The following HDAC9 variants were observed in gnomAD, a reference collection of about 807,000 sequenced individuals.
HDAC9 encodes histone deacetylase 9.
HDAC9 carries 41 observed loss-of-function variants against 139.4 expected under a neutral mutation model. That is an observed-to-expected ratio of 0.29 (90% CI 0.23 to 0.38). The LOEUF (loss-of-function observed/expected upper bound fraction) is 0.38, where lower values mean the gene tolerates loss of function less well. Among genes scored for constraint, HDAC9 ranks in the 10% least tolerant of loss-of-function variants. The pLI is 1.00. For synonymous variants in HDAC9, 517 were observed against 476.2 expected (o/e 1.09, Z -1.12); for missense variants, 1,147 against 1,297.0 (o/e 0.88, Z 1.78).
Position 18,629,370 on chromosome 7 carries a change from G to T in HDAC9, c.685G>T (p.Val229Leu). The change falls in exon 7 of 26, where the codon GTG (valine) becomes TTG (leucine). Residue 229 changes from valine (V) to leucine (L), a missense_variant. Transcript: ENST00000686413. ...RKTASEPNLK[V>L]RSRLKQKVAE... ...CCCAGCCTCTGAGCCCAACTTGAAG[G>T]TGCGGTCCAGGTTAAAACAGAAAGT... The T allele has an allele frequency of 6.2e-7, 1 of 1,600,878 alleles. No homozygotes were observed. The highest frequency in any genetic ancestry group is 8.5e-7 in the Non-Finnish European group (1 of 1,174,484).
chr7:18,426,098 G>A (rs995201668), intron 1 of HDAC9, among the ~76,000 whole-genome samples: 3 of 152,144 alleles, frequency 2.0e-5, no homozygotes, highest in African/African-American at 7.2e-5. Flanking sequence ...TTGATTTTTG[G>A]TATAGTGTTT....
chr7:18,600,631 C>T (rs2128871927), intron 6 of HDAC9, among the ~76,000 whole-genome samples: 1 of 152,256 alleles, frequency 6.6e-6, no homozygotes, highest in Admixed American at 6.5e-5. Flanking sequence ...CTTCACTGAT[C>T]TACTTGTCTG....
At chr7:18,431,538 A>G (rs1008582217) in intron 1 of HDAC9, among the ~76,000 whole-genome samples, 3 of 152,184 alleles carry the variant, frequency 2.0e-5, no homozygotes, top group African/African-American at 7.2e-5. Context: ...TTCCCCAACA[A>G]CCCTGAGGAC....
chr7:18,829,663 G>T, intron 19 of HDAC9, 115 bp downstream of exon 19: 1 of 643,302 alleles, frequency 1.6e-6, no homozygotes, highest in Non-Finnish European at 2.7e-6. Flanking sequence ...TGAAGGGTGT[G>T]TTTTCCTTTG....
At chr7:18,580,266 G>A (rs1018750952) in intron 2 of HDAC9, among the ~76,000 whole-genome samples, 26 of 152,094 alleles carry the variant, frequency 1.7e-4, no homozygotes, top group African/African-American at 5.8e-4. Flanking sequence ...TCATTTACAA[G>A]TTCACTAAAA....
At chr7:18,267,443 G>C (rs1249286010) in intron 2 of HDAC9, among the ~76,000 whole-genome samples, 2 of 151,920 alleles carry the variant, frequency 1.3e-5, no homozygotes, top group Non-Finnish European at 2.9e-5. Context: ...GAGCTCCCCA[G>C]TCTCTTCCCC....
chr7:18,383,746 C>T (rs537093066), intron 1 of HDAC9, among the ~76,000 whole-genome samples: 7 of 151,294 alleles, frequency 4.6e-5, no homozygotes, highest in East Asian at 1.9e-4. Context: ...AAAAATTAGC[C>T]GGCGTGGTGG....
At position 18,829,566 on chromosome 7, in the gene HDAC9, G is replaced by C. The variant is rs753988907; in HGVS notation, c.2466+18G>C. ...TAGATCTGGTATGTATTCCTGGCCA[G>C]AGCTGCATTTTCAGTGATTCTAGAT... On this transcript the variant is annotated intron_variant, in intron 19 of 25. Coordinates refer to ENST00000686413, the MANE Select transcript of HDAC9 (RefSeq NM_178425.4). 1 of 1,477,018 alleles carries C rather than the reference G, an allele frequency of 6.8e-7. No individual in the cohort carries two copies. Among genetic ancestry groups the C allele is most frequent in the Non-Finnish European group, 9.4e-7 (1 of 1,063,250 alleles). 91.5% of individuals were successfully genotyped at this position (1,477,018 alleles called of 1,614,324 possible).
intron 1 of HDAC9, among the ~76,000 whole-genome samples, chr7:18,460,223 G>C (rs189372296): frequency 1.3e-4 from 20 of 152,148 alleles, no homozygotes; most frequent in African/African-American, 4.6e-4. Flanking sequence ...TTCATGAGTA[G>C]AAGGTATAAT....
At chr7:18,191,339 A>G (rs1028713770) in intron 2 of HDAC9, among the ~76,000 whole-genome samples, 1 of 152,224 alleles carries the variant, frequency 6.6e-6, no homozygotes, top group African/African-American at 2.4e-5. Flanking sequence ...TAATCTTTGC[A>G]GACCTGGTAA....
intron 15 of HDAC9, among the ~76,000 whole-genome samples, chr7:18,764,471 A>C (rs534579632): frequency 6.6e-6 from 1 of 152,118 alleles, no homozygotes; most frequent in African/African-American, 2.4e-5. Context: ...CAACACTTCA[A>C]AACTACTTCT....
At chr7:18,478,363 G>A (rs986869247) in intron 1 of HDAC9, among the ~76,000 whole-genome samples, 2 of 152,198 alleles carry the variant, frequency 1.3e-5, no homozygotes, top group Non-Finnish European at 2.9e-5. Flanking sequence ...GAGCCGCCAC[G>A]CCGGGCCAAA....
intron 17 of HDAC9, among the ~76,000 whole-genome samples, chr7:18,803,412 A>G (rs1045563139): frequency 1.3e-5 from 2 of 152,078 alleles, no homozygotes; most frequent in African/African-American, 4.8e-5. Context: ...ATCACCATTT[A>G]TGATTGTATC....
intron 21 of HDAC9, among the ~76,000 whole-genome samples, chr7:18,866,847 T>C (rs555516978): frequency 9.9e-4 from 150 of 152,204 alleles, no homozygotes; most frequent in Non-Finnish European, 1.7e-3. Flanking sequence ...TCATGGGAAA[T>C]TACTAGTGTG....
chr7:18,928,760 G>A (rs1804458675), intron 22 of HDAC9, among the ~76,000 whole-genome samples: 1 of 151,812 alleles, frequency 6.6e-6, no homozygotes, highest in Non-Finnish European at 1.5e-5. Flanking sequence ...AGGTAGAATT[G>A]GCTATTTCTG....
At chr7:18,440,971 G>C (rs1791699309) in intron 1 of HDAC9, among the ~76,000 whole-genome samples, 1 of 152,148 alleles carries the variant, frequency 6.6e-6, no homozygotes, top group Non-Finnish European at 1.5e-5. Flanking sequence ...CTTTAATTAA[G>C]TGCATTAGGG....
At chr7:18,314,595 T>C (rs1799519191) in intron 1 of HDAC9, among the ~76,000 whole-genome samples, 1 of 152,178 alleles carries the variant, frequency 6.6e-6, no homozygotes, top group African/African-American at 2.4e-5. Flanking sequence ...TAACCTTCAT[T>C]GTTCTTATAT....
intron 1 of HDAC9, among the ~76,000 whole-genome samples, chr7:18,481,369 G>A (rs1795535544): frequency 1.3e-5 from 2 of 152,098 alleles, no homozygotes; most frequent in South Asian, 4.1e-4. Context: ...TGCTGCATAC[G>A]TGTACTGTTA....
chr7:18,168,889 T>TG (rs1477545915), intron 2 of HDAC9, among the ~76,000 whole-genome samples: 306 of 118,254 alleles, frequency 2.6e-3, no homozygotes, highest in African/African-American at 0.012. Flanking sequence ...GTTTTTTTTT[T>TG]TTTTTTTTTG....
Sources: gnomAD v4.1 joint callset for allele counts (sites outside exome capture counted in the v4.1 genomes callset) on GRCh38, gnomAD v4.1.1 for gene constraint, MANE v1.5 for transcripts, NCBI Gene and HGNC (gene_info 2026-07-23, HGNC 2026-07-21) for gene names.